The following MYO9B variants were observed in gnomAD, a reference collection of about 807,000 sequenced individuals.
MYO9B encodes unconventional myosin-IXb.
Under a neutral mutation model 229.5 loss-of-function variants are expected in MYO9B, and 71 were observed. That is an observed-to-expected ratio of 0.31 (90% CI 0.26 to 0.38). The LOEUF (loss-of-function observed/expected upper bound fraction) is 0.38. Ranked by LOEUF, MYO9B falls within the 10% of genes least tolerant of loss-of-function variation. The pLI, the probability that MYO9B is intolerant of heterozygous loss-of-function variation, is 1.00. For missense variants in MYO9B, 2,255 were observed against 2,920.5 expected, an observed-to-expected ratio of 0.77 and a Z score of 5.25; for synonymous variants, 1,185 against 1,235.8, an observed-to-expected ratio of 0.96 and a Z score of 0.86.
At chr19:17,154,528 G>T in intron 6 of MYO9B, 113 bp downstream of exon 6, 1 of 722,724 alleles carries the variant, frequency 1.4e-6, no homozygotes, top group Non-Finnish European at 2.3e-6. Context: ...GGCAGGCAGT[G>T]TCCTGAACAG....
rs376098957 is a variant in MYO9B, at chr19:17,210,358, C to T, written c.5774C>T (p.Ser1925Leu). 40 of 1,599,150 alleles carry T rather than the reference C, an allele frequency of 2.5e-5. No homozygotes were observed. The highest frequency in any genetic ancestry group is 1.6e-4 in the Admixed American group (9 of 58,034). ...NAPWPLKLGFSSPYEGVLNKS... is the reference protein window; with the variant it reads ...NAPWPLKLGFLSPYEGVLNKS... ...CCATGGCCTCTCAAACTGGGGTTTTCGTCTCCCTATGAGGGGGTCCTGGTA... is the reference window on the plus strand; with the variant it reads ...CCATGGCCTCTCAAACTGGGGTTTTTGTCTCCCTATGAGGGGGTCCTGGTA... The change falls in exon 37 of 40, where the codon TCG (serine) becomes TTG (leucine). Residue 1925 changes from serine (S) to leucine (L), a missense_variant. Transcript: ENST00000682292.
At chr19:17,158,322 A>G (rs2072559492) in intron 7 of MYO9B, among the ~76,000 whole-genome samples, 1 of 152,210 alleles carries the variant, frequency 6.6e-6, no homozygotes, top group Admixed American at 6.5e-5. Flanking sequence ...CTGTAATCCC[A>G]GCACTTTGGG....
At chr19:17,112,554 G>C (rs2057857871) in intron 2 of MYO9B, among the ~76,000 whole-genome samples, 1 of 152,342 alleles carries the variant, frequency 6.6e-6, no homozygotes, top group East Asian at 1.9e-4. Flanking sequence ...GGATGTGCCA[G>C]ATCTGAGGCT....
intron 5 of MYO9B, 93 bp downstream of exon 5, chr19:17,154,159 T>C (rs1177011671): frequency 1.5e-6 from 2 of 1,377,246 alleles, no homozygotes; most frequent in Non-Finnish European, 2.1e-6. Context: ...CAGCCTGCCC[T>C]GGCCCCCGAA....
intron 2 of MYO9B, among the ~76,000 whole-genome samples, chr19:17,135,146 C>T (rs993233352): frequency 6.6e-6 from 1 of 152,160 alleles, no homozygotes; most frequent in Non-Finnish European, 1.5e-5. Flanking sequence ...ATTTCTTCCA[C>T]GTACTGATGT....
intron 32 of MYO9B, 23 bp from the exon 33 acceptor site, chr19:17,206,225 G>GGGGGGCCCCCCCCCCCCCCCCCCC: frequency 6.4e-7 from 1 of 1,564,672 alleles, no homozygotes; most frequent in Non-Finnish European, 8.7e-7. Context: ...CCGCTCACCA[G>GGGGGGCCCCCCCCCCCCCCCCCCC]ACCCACCCCA....
chr19:17,152,433 C>T (rs2072488049), intron 3 of MYO9B, among the ~76,000 whole-genome samples: 1 of 136,904 alleles, frequency 7.3e-6, no homozygotes, highest in South Asian at 2.4e-4. Context: ...TTGGCACACC[C>T]CTGTAGTTCC....
intron 16 of MYO9B, chr19:17,184,631 T>C (rs56081874): frequency 0.029 from 13,936 of 478,510 alleles, 299 homozygotes; most frequent in Middle Eastern, 0.057. Context: ...ACTCAGGCTG[T>C]GAAAGAGGCT....
chr19:17,187,777 G>C (rs912506555), intron 18 of MYO9B, among the ~76,000 whole-genome samples, 158 bp from the exon 19 acceptor site: 1 of 152,026 alleles, frequency 6.6e-6, no homozygotes, highest in African/African-American at 2.4e-5. Flanking sequence ...CAGCACCCAC[G>C]TGTGCACCCT....
intron 1 of MYO9B, among the ~76,000 whole-genome samples, chr19:17,082,709 G>T (rs1409282484): frequency 1.3e-5 from 2 of 152,104 alleles, no homozygotes. Context: ...TTATTGGGTA[G>T]GCACAAGAAC....
chr19:17,098,094 G>A (rs1035139885), intron 1 of MYO9B, among the ~76,000 whole-genome samples: 14 of 136,788 alleles, frequency 1.0e-4, no homozygotes, highest in African/African-American at 3.9e-4. Flanking sequence ...TCACTCTGTC[G>A]CCCAGGCCAG....
intron 10 of MYO9B, 89 bp downstream of exon 10, chr19:17,163,211 A>ATCTTAACCATTT: frequency 7.2e-7 from 1 of 1,387,780 alleles, no homozygotes; most frequent in Non-Finnish European, 9.7e-7. Flanking sequence ...GTAAATATTC[A>ATCTTAACCATTT]GTTCAGCGGC....
rs567384098 is a variant in MYO9B, at chr19:17,119,949, A to C, written c.840+17392A>C. On this transcript the variant is annotated intron_variant, in intron 2 of 39. Transcript: ENST00000682292. ...AGCTATAAGCCATTGCGCCCGGCCAAGCTCGGGAGTTTGAGGTCATCCTGG... is the reference window on the plus strand; with the variant it reads ...AGCTATAAGCCATTGCGCCCGGCCACGCTCGGGAGTTTGAGGTCATCCTGG... Among the ~76,000 whole-genome samples the C allele has an allele frequency of 1.6e-3, 241 of 152,282 alleles. 3 individuals are homozygous for C. The highest frequency in any genetic ancestry group is 5.5e-3 in the African/African-American group (229 of 41,566).
intron 2 of MYO9B, among the ~76,000 whole-genome samples, chr19:17,126,321 T>A (rs1340123037): frequency 2.0e-5 from 3 of 152,162 alleles, no homozygotes; most frequent in African/African-American, 7.2e-5. Flanking sequence ...GTCCCCACCA[T>A]GGCCTCGGGA....
chr19:17,109,043 T>C (rs1159146596), intron 2 of MYO9B, among the ~76,000 whole-genome samples: 1 of 80,994 alleles, frequency 1.2e-5, no homozygotes, highest in Admixed American at 1.1e-4. Context: ...TTTATTTATT[T>C]ATTTATTTAT....
In MYO9B at chr19:17,193,135, T is replaced by G; in HGVS notation, c.3128+73T>G. ...AGGTCACTCACCAAATTGCTGCCCG[T>G]GATATACCATCTGGCCTGTGGCACT... On this transcript the variant is annotated intron_variant, in intron 21 of 39. Transcript: ENST00000682292. This position sits in a 1 kb window ranked among gnomAD's most constrained non-coding sequence, Gnocchi z 4.3. The G allele has an allele frequency of 7.2e-7, 1 of 1,392,804 alleles. No individual in the cohort carries two copies. The highest frequency in any genetic ancestry group is 9.4e-7 in the Non-Finnish European group (1 of 1,063,550). The allele number at this position is 1,392,804 out of a possible 1,614,324, so 86.3% of individuals were successfully genotyped here. A position where few individuals can be genotyped will look rare whatever the true frequency, so the allele number is the denominator to read the frequency against.
chr19:17,210,656 C>T, intron 37 of MYO9B, 59 bp from the exon 38 acceptor site: 5 of 1,482,556 alleles, frequency 3.4e-6, no homozygotes, highest in Non-Finnish European at 4.5e-6. Flanking sequence ...GCTCACACCT[C>T]CGGCAGTAAC....
At chr19:17,138,479 A>G (rs1184468481) in intron 2 of MYO9B, among the ~76,000 whole-genome samples, 1 of 152,144 alleles carries the variant, frequency 6.6e-6, no homozygotes, top group Non-Finnish European at 1.5e-5. Flanking sequence ...GGGTTTCGCC[A>G]TGTTGCCCAG....
chr19:17,172,402 C>T lies in MYO9B; in HGVS notation c.1860C>T (p.Tyr620=), dbSNP rs1310815797. Residue 620 remains tyrosine, a synonymous_variant, in exon 12 of 40, where the codon TAC becomes TAT. Transcript: ENST00000682292. This position sits in a 1 kb window ranked among gnomAD's most constrained non-coding sequence, Gnocchi z 8.2. ...AACAGCAACATGAGGACAATAAGTACTTCCTGGGCACCCCGGTCATGGAGC... is the reference window on the plus strand; with the variant it reads ...AACAGCAACATGAGGACAATAAGTATTTCCTGGGCACCCCGGTCATGGAGC... ...KFKQQHEDNK[Y]FLGTPVMEPA... 1 of 1,613,994 alleles carries T rather than the reference C, an allele frequency of 6.2e-7. No homozygotes were observed. The highest frequency in any genetic ancestry group is 1.7e-5 in the Admixed American group (1 of 60,002).
Sources: gnomAD v4.1 joint callset for allele counts (sites outside exome capture counted in the v4.1 genomes callset) on GRCh38, gnomAD v4.1.1 for gene constraint, Gnocchi (gnomAD v3.1) non-coding constraint, MANE v1.5 for transcripts, NCBI Gene and HGNC (gene_info 2026-07-23, HGNC 2026-07-21) for gene names.